P4HA1: variants seen among roughly 807,000 people sequenced by gnomAD.
P4HA1 encodes the protein prolyl 4-hydroxylase subunit alpha 1.
P4HA1 carries 24 observed loss-of-function variants against 72.8 expected under a neutral mutation model. The observed-to-expected ratio is 0.33, with a 90% confidence interval of 0.24 to 0.46. The LOEUF is 0.46. P4HA1 is among the 20% of genes least tolerant of loss of function. P4HA1 has a pLI of 1.00. For synonymous variants in P4HA1, 201 were observed against 218.8 expected (o/e 0.92, Z 0.72); for missense variants, 446 against 640.6 (o/e 0.70, Z 3.28).
At chr10:73,067,024 CA>C (rs1308555041) in intron 5 of P4HA1, among the ~76,000 whole-genome samples, 1 of 152,140 alleles carries the variant, frequency 6.6e-6, no homozygotes, top group Non-Finnish European at 1.5e-5. Context: ...AGCACCACAA[CA>C]CCCAGCTAAG....
At chr10:73,018,440 G>A (rs1840059014) in intron 10 of P4HA1, among the ~76,000 whole-genome samples, 3 of 152,300 alleles carry the variant, frequency 2.0e-5, no homozygotes, top group African/African-American at 7.2e-5. Flanking sequence ...AGTCTGCGCT[G>A]CTGAGACACT....
intron 10 of P4HA1, among the ~76,000 whole-genome samples, chr10:73,019,951 G>C (rs1042785585): frequency 1.3e-5 from 2 of 151,904 alleles, no homozygotes; most frequent in African/African-American, 4.8e-5. Flanking sequence ...GTTCCAAAAG[G>C]AGAAGAAAGG....
At position 73,010,995 on chromosome 10, in the gene P4HA1, C is replaced by T; in HGVS notation, c.1411G>A (p.Val471Ile). Reference sequence around the variant, plus strand: ...TTTTTGGGCCAAACACTAGCTCCAACTTCAGGAAAAACAGTGGCTCCTCCT... The same window carrying T: ...TTTTTGGGCCAAACACTAGCTCCAATTTCAGGAAAAACAGTGGCTCCTCCT... ...SAGGATVFPE[V>I]GASVWPKKGT... Residue 471 changes from valine (V) to isoleucine (I), a missense_variant, in exon 13 of 15, where the codon GTT (valine) becomes ATT (isoleucine). Val to Ile is a conservative substitution (Grantham distance 29). Transcript: ENST00000394890. The T allele has an allele frequency of 6.2e-7, 1 of 1,613,776 alleles. No individual in the cohort carries two copies. The highest frequency in any genetic ancestry group is 2.2e-5 in the East Asian group (1 of 44,868).
chr10:73,092,230 C>T (rs906466306), intron 1 of P4HA1, among the ~76,000 whole-genome samples: 6 of 151,826 alleles, frequency 4.0e-5, no homozygotes, highest in Admixed American at 3.9e-4. Flanking sequence ...AAATGTTAGC[C>T]ACATGGTGCT....
intron 9 of P4HA1, among the ~76,000 whole-genome samples, chr10:73,032,159 A>AGGC (rs879708503): frequency 2.6e-5 from 4 of 152,206 alleles, no homozygotes; most frequent in Non-Finnish European, 1.5e-5. Flanking sequence ...CACTCAGTAG[A>AGGC]TAATGTATTT....
chr10:73,019,730 G>GACAAAAAAAAAA (rs1840090421), intron 10 of P4HA1, among the ~76,000 whole-genome samples: 1 of 65,232 alleles, frequency 1.5e-5, no homozygotes, highest in Non-Finnish European at 2.4e-5. Context: ...CTCTGTCTCA[G>GACAAAAAAAAAA]AAAAAAAAAA....
intron 3 of P4HA1, 124 bp downstream of exon 3, chr10:73,073,607 A>G: frequency 1.6e-6 from 1 of 637,556 alleles, no homozygotes; most frequent in Non-Finnish European, 2.8e-6. Context: ...CTCCTATTTT[A>G]GCCATTGCAA....
At position 73,023,209 on chromosome 10, in the gene P4HA1, C is replaced by T. The variant is rs545840160; in HGVS notation, c.1249-6310G>A. ...CACGTAATTGTCAGATTCACCAAGG[C>T]TGAAATGAAGGAAAAAATCTTAAGG... On this transcript the variant is annotated intron_variant, in intron 10 of 14. Coordinates refer to ENST00000394890, the MANE Select transcript of P4HA1 (RefSeq NM_001017962.3). Among the ~76,000 whole-genome samples the T allele has an allele frequency of 9.9e-4, 151 of 152,126 alleles. 1 individual carries two copies. Among genetic ancestry groups the T allele is most frequent in the Non-Finnish European group, 1.3e-3 (86 of 67,994 alleles).
intron 1 of P4HA1, among the ~76,000 whole-genome samples, chr10:73,077,281 A>G (rs1841718789): frequency 6.6e-6 from 1 of 152,260 alleles, no homozygotes. Flanking sequence ...ACAGAAGGCT[A>G]ATCACAAATG....
chr10:73,059,448 A>T (rs1156962761), intron 5 of P4HA1, among the ~76,000 whole-genome samples: 2 of 133,164 alleles, frequency 1.5e-5, no homozygotes, highest in African/African-American at 5.8e-5. Flanking sequence ...AAAAAAAAAA[A>T]AAAAAAAAAA....
At chr10:73,034,080 C>A (rs566834942) in intron 9 of P4HA1, among the ~76,000 whole-genome samples, 1 of 152,074 alleles carries the variant, frequency 6.6e-6, no homozygotes, top group East Asian at 1.9e-4. Context: ...GGCATGGTAG[C>A]GTGTGCCTGT....
chr10:73,081,389 A>G (rs2133151045), intron 1 of P4HA1, among the ~76,000 whole-genome samples: 1 of 152,306 alleles, frequency 6.6e-6, no homozygotes, highest in East Asian at 1.9e-4. Context: ...AAAAGTGTTT[A>G]TTATATAATT....
At chr10:73,050,268 A>C (rs1390356048) in intron 7 of P4HA1, among the ~76,000 whole-genome samples, 1 of 152,124 alleles carries the variant, frequency 6.6e-6, no homozygotes, top group Non-Finnish European at 1.5e-5. Context: ...GGAAGGATCA[A>C]ATGAAAAAGG....
At chr10:73,091,754 CTT>C (rs1292173182) in intron 1 of P4HA1, among the ~76,000 whole-genome samples, 1 of 152,112 alleles carries the variant, frequency 6.6e-6, no homozygotes, top group East Asian at 1.9e-4. Flanking sequence ...TCTAGAGAAA[CTT>C]GTGTTTAACT....
chr10:73,038,329 T>A (rs1397365635), intron 9 of P4HA1, among the ~76,000 whole-genome samples: 1 of 152,190 alleles, frequency 6.6e-6, no homozygotes. Context: ...ACATTCATGA[T>A]ATCATAAATA....
chr10:73,043,021 C>CA (rs2133083991), intron 9 of P4HA1, among the ~76,000 whole-genome samples: 1 of 152,068 alleles, frequency 6.6e-6, no homozygotes, highest in South Asian at 2.1e-4. Context: ...ATACAATTAA[C>CA]AAAAATATGA....
chr10:73,024,314 A>G (rs1333565877), intron 10 of P4HA1, among the ~76,000 whole-genome samples: 134 of 142,592 alleles, frequency 9.4e-4, no homozygotes, highest in South Asian at 3.2e-3. Context: ...AGTGCAATCA[A>G]ATTAGAACTC....
chr10:73,026,608 G>T (rs1045862903), intron 10 of P4HA1, among the ~76,000 whole-genome samples: 1 of 152,190 alleles, frequency 6.6e-6, no homozygotes, highest in African/African-American at 2.4e-5. Context: ...ATACAAGTGG[G>T]ATCTAATTAA....
Position 73,052,173 on chromosome 10 carries a change from C to T in P4HA1, c.704-924G>A, listed in dbSNP as rs148636786. On this transcript the variant is annotated intron_variant, in intron 6 of 14. Coordinates refer to ENST00000394890, the MANE Select transcript of P4HA1 (RefSeq NM_001017962.3). The stretch of plus-strand genomic sequence containing the variant: ...CTTTTAGTAGAAGAAAAGATGACTA[C>T]GCTACCCATCTGAGAGGAAAAAAAA... Among the ~76,000 whole-genome samples, 81 of 150,450 alleles carry T rather than the reference C, an allele frequency of 5.4e-4. 1 individual carries two copies. In the East Asian group the frequency reaches 0.014, roughly 26 times the overall value.
Sources: allele counts gnomAD v4.1 joint callset (sites outside exome capture counted in the v4.1 genomes callset), GRCh38; gene constraint gnomAD v4.1.1; transcripts MANE v1.5; gene names NCBI Gene and HGNC (gene_info 2026-07-23, HGNC 2026-07-21).